The following VILL variants were observed in gnomAD, a reference collection of about 807,000 sequenced individuals.
VILL encodes villin like.
VILL carries 102 observed loss-of-function variants against 106.3 expected under a neutral mutation model. The ratio of observed to expected loss-of-function variants is 0.96; its 90% CI spans 0.82 to 1.13. VILL has a LOEUF of 1.13. Ranked by LOEUF, VILL falls within the 50% of genes most tolerant of loss-of-function variation. The pLI is 0.00. For synonymous variants in VILL, 431 were observed against 440.3 expected (o/e 0.98, Z 0.27); for missense variants, 1,076 against 1,116.6 (o/e 0.96, Z 0.52).
chr3:38,003,205 TG>T lies in VILL; in HGVS notation c.1699del (p.Val567SerfsTer107). On this transcript the variant is annotated frameshift_variant, in exon 15 of 20. Coordinates refer to ENST00000383759, the MANE Select transcript of VILL (RefSeq NM_015873.4). LOFTEE classifies it high-confidence loss of function. ...NGDQREMARV[V>X]VTVISRKNEE... Reference sequence around the variant, plus strand: ...GATCAGCGTGAGATGGCACGGGTGGTGGTCACTGTCATTTCCAGGAAGAATG... The same window carrying T: ...GATCAGCGTGAGATGGCACGGGTGGTGTCACTGTCATTTCCAGGAAGAATG... 1 of 1,613,934 alleles carries T rather than the reference TG, an allele frequency of 6.2e-7. No homozygotes were observed.
chr3:37,999,406 C>G lies in VILL; in HGVS notation c.1149C>G (p.Leu383=). 6.7e-7 allele frequency: 1 copy of G among 1,492,916 alleles called. No homozygotes were observed. The highest frequency in any genetic ancestry group is 8.9e-7 in the Non-Finnish European group (1 of 1,124,724). 92.5% of individuals were successfully genotyped at this position (1,492,916 alleles called of 1,614,324 possible). A position where few individuals can be genotyped will look rare whatever the true frequency, so the allele number is the denominator to read the frequency against. Residue 383 remains leucine (L), a synonymous_variant, in exon 11 of 20, where the codon CTC becomes CTG. Transcript: ENST00000383759. ...LHTQPKLAAQ[L]RMVDDGSGKV... ...CCCAGCCTAAGTTAGCGGCCCAGCT[C>G]AGGATGGTGGACGACGGCTCTGGGA...
In VILL at chr3:38,002,538, T is replaced by G. The variant is rs1559367257; in HGVS notation, c.1622T>G (p.Leu541Arg). 3.7e-6 allele frequency: 6 copies of G among 1,614,194 alleles called. No individual in the cohort carries two copies. The highest frequency in any genetic ancestry group is 1.7e-5 in the Admixed American group (1 of 60,028). ...CTCAACTCCAGTGACATCTTCTTGC[T>G]GGTCACAGCCAGCGTCTGCTACCTC... The part of the protein sequence containing the change: ...SSLNSSDIFL[L>R]VTASVCYLWF... The change falls in exon 14 of 20, where the codon CTG becomes CGG. Residue 541 changes from leucine (L) to arginine (R), a missense_variant. Transcript: ENST00000383759.
At chr3:38,001,038 T>TC (rs1699803945) in intron 11 of VILL, 3 of 465,516 alleles carry the variant, frequency 6.4e-6, no homozygotes, top group Non-Finnish European at 1.3e-5. Context: ...TGAACAGGCT[T>TC]TGTGTTTTCT....
At chr3:38,002,144 T>G in intron 13 of VILL, 1 of 639,058 alleles carries the variant, frequency 1.6e-6, no homozygotes. Flanking sequence ...CTCCAAGGCC[T>G]GAGCACCCAT....
At chr3:37,999,210 A>G in intron 10 of VILL, 129 bp from the exon 11 acceptor site, 1 of 1,156,554 alleles carries the variant, frequency 8.6e-7, no homozygotes. Flanking sequence ...AGGATGAGGA[A>G]AGGGGCGTGG....
rs1699871708 is a variant in VILL, at chr3:38,004,202, G to A, written c.1806-53G>A. 2.5e-6 allele frequency: 4 copies of A among 1,570,500 alleles called. No individual in the cohort carries two copies. The East Asian group carries it at 6.8e-5, about 27-fold the overall frequency. On this transcript the variant is annotated intron_variant, in intron 15 of 19. Coordinates refer to ENST00000383759, the MANE Select transcript of VILL (RefSeq NM_015873.4). ...CCCTGGGGTGGGGCACTTGTGCCAT[G>A]GGCTGGGGTGCCCCTCTGGGTGGCT...
intron 11 of VILL, 94 bp downstream of exon 11, chr3:37,999,533 G>T: frequency 1.1e-6 from 1 of 942,008 alleles, no homozygotes; most frequent in Non-Finnish European, 1.5e-6. Flanking sequence ...AAGTGACCCA[G>T]GTGCACATCC....
At chr3:38,004,510 G>C (rs911645487) in intron 16 of VILL, 111 bp downstream of exon 16, 1 of 1,417,638 alleles carries the variant, frequency 7.1e-7, no homozygotes, top group African/African-American at 1.4e-5. Flanking sequence ...GGCTGTGGGT[G>C]AGTCTGACCC....
chr3:37,993,924 G>A lies in VILL; in HGVS notation c.87G>A (p.Glu29=), dbSNP rs1699650586. Residue 29 remains glutamate (E), a synonymous_variant, in exon 3 of 20, where the codon GAG becomes GAA. Transcript: ENST00000383759. ...SENRKMVPVP[E]GAYGNFFEEH... ...ACCGGAAGATGGTGCCGGTACCCGA[G>A]GGGGCTTACGGGAACTTTTTTGAGG... 1 of 1,614,074 alleles carries A rather than the reference G, an allele frequency of 6.2e-7. No homozygotes were observed. The highest frequency in any genetic ancestry group is 1.1e-5 in the South Asian group (1 of 91,090).
rs759030345 is a variant in VILL, at chr3:37,994,415, C to T, written c.290C>T (p.Ala97Val). The T allele has an allele frequency of 6.2e-7, 1 of 1,612,652 alleles. No individual in the cohort carries two copies. Among genetic ancestry groups the T allele is most frequent in the Non-Finnish European group, 8.5e-7 (1 of 1,179,858 alleles). Residue 97 changes from alanine (A) to valine (V), a missense_variant, in exon 4 of 20, where the codon GCG becomes GTG. Coordinates refer to ENST00000383759, the MANE Select transcript of VILL (RefSeq NM_015873.4). ...LGGQTVLHRE[A>V]QGHESDCFCS... Reference sequence around the variant, plus strand: ...GGCCAGACCGTGCTGCACCGCGAGGCGCAGGGCCACGAGTCCGACTGCTTC... The same window carrying T: ...GGCCAGACCGTGCTGCACCGCGAGGTGCAGGGCCACGAGTCCGACTGCTTC...
At position 37,994,426 on chromosome 3, in the gene VILL, G is replaced by T; in HGVS notation, c.301G>T (p.Glu101Ter). Residue 101 changes from glutamate (E) to a stop codon, truncating the protein, a stop_gained, in exon 4 of 20, where the codon GAG becomes TAG. Coordinates refer to ENST00000383759, the MANE Select transcript of VILL (RefSeq NM_015873.4). LOFTEE classifies it high-confidence loss of function. The part of the protein sequence containing the change: ...TVLHREAQGH[E>*]SDCFCSYFRP... Reference sequence around the variant, plus strand: ...GCTGCACCGCGAGGCGCAGGGCCACGAGTCCGACTGCTTCTGCAGCTACTT... The same window carrying T: ...GCTGCACCGCGAGGCGCAGGGCCACTAGTCCGACTGCTTCTGCAGCTACTT... The T allele has an allele frequency of 6.2e-7, 1 of 1,612,726 alleles. No homozygotes were observed. The highest frequency in any genetic ancestry group is 8.5e-7 in the Non-Finnish European group (1 of 1,179,886).
intron 14 of VILL, chr3:38,002,862 G>T: frequency 1.9e-6 from 1 of 534,710 alleles, no homozygotes; most frequent in Non-Finnish European, 3.3e-6. Context: ...GAAAAGGGGA[G>T]GCCTATGCCA....
chr3:38,003,379 G>A, intron 15 of VILL, 66 bp downstream of exon 15: 15 of 1,492,868 alleles, frequency 1.0e-5, no homozygotes, highest in South Asian at 2.6e-5. Flanking sequence ...AGGAGGGTGG[G>A]TGACTGGGAT....
Position 37,994,344 on chromosome 3 carries a change from G to C in VILL, c.219G>C (p.Gln73His). 1 of 1,611,432 alleles carries C rather than the reference G, an allele frequency of 6.2e-7. No homozygotes were observed. The highest frequency in any genetic ancestry group is 8.5e-7 in the Non-Finnish European group (1 of 1,179,640). ...GGAAGCAGGCGGGTGCGGAAGCGCA[G>C]GGCGCTGCGGAGGCCTTCCAGCAGC... ...WVGKQAGAEA[Q>H]GAAEAFQQRL... The change falls in exon 4 of 20, where the codon CAG becomes CAC. Residue 73 changes from glutamine (Q) to histidine (H), a missense_variant. Physicochemically the swap from Gln to His is conservative, Grantham distance 24 (BLOSUM62 0). Transcript: ENST00000383759.
chr3:37,989,035 G>A (rs1432397001), upstream of VILL, among the ~76,000 whole-genome samples: 1 of 152,204 alleles, frequency 6.6e-6, no homozygotes, highest in Non-Finnish European at 1.5e-5. Context: ...CGGCCAGGCA[G>A]ACCCAGAGAC....
intron 1 of VILL, among the ~76,000 whole-genome samples, chr3:37,992,969 G>A (rs949072978): frequency 6.6e-6 from 1 of 152,194 alleles, no homozygotes; most frequent in Non-Finnish European, 1.5e-5. Context: ...GGGGAGGAGG[G>A]AAGGACTAAC....
Position 37,998,013 on chromosome 3 carries a change from G to A in VILL, c.765-77G>A. 7.1e-7 allele frequency: 1 copy of A among 1,411,736 alleles called. No homozygotes were observed. Among genetic ancestry groups the A allele is most frequent in the South Asian group, 1.3e-5 (1 of 78,382 alleles). 87.5% of individuals were successfully genotyped at this position (1,411,736 alleles called of 1,614,324 possible). On this transcript the variant is annotated intron_variant, in intron 7 of 19. Transcript: ENST00000383759. This position sits in a 1 kb window ranked among gnomAD's most constrained non-coding sequence, Gnocchi z 4.1. ...CTTCTGTCTCTGAGGGACTGGGGTG[G>A]GGTCCTAAATGGGGCTGGAGTGGAG...
At position 37,997,454 on chromosome 3, in the gene VILL, C is replaced by T. The variant is rs1480958534; in HGVS notation, c.562-29C>T. ...CTGCTGTGAGAGGGCACACTGGTGA[C>T]ACCCTGACTCCCAGGTCCTCTCCCG... is the stretch of plus-strand genomic sequence containing the variant. On this transcript the variant is annotated intron_variant, in intron 6 of 19. Transcript: ENST00000383759. The surrounding 1 kb of genome is among the most constrained non-coding windows in gnomAD (Gnocchi z 4.7). 2.5e-6 allele frequency: 4 copies of T among 1,609,042 alleles called. No homozygotes were observed. Among genetic ancestry groups the T allele is most frequent in the Non-Finnish European group, 3.4e-6 (4 of 1,178,474 alleles).
chr3:38,005,251 C>T (rs1423741944), intron 16 of VILL, among the ~76,000 whole-genome samples: 1 of 152,096 alleles, frequency 6.6e-6, no homozygotes, highest in African/African-American at 2.4e-5. Context: ...CTGGCCAGCC[C>T]CAACTCTTTG....
Sources: gnomAD v4.1 joint callset for allele counts (sites outside exome capture counted in the v4.1 genomes callset) on GRCh38, gnomAD v4.1.1 for gene constraint, Gnocchi (gnomAD v3.1) non-coding constraint, MANE v1.5 for transcripts, NCBI Gene and HGNC (gene_info 2026-07-23, HGNC 2026-07-21) for gene names.